Variants in STAG1 observed in about 807,000 individuals in gnomAD.
STAG1 encodes cohesin subunit SA-1.
A neutral mutation model predicts 170.9 loss-of-function variants in STAG1; 26 were observed. That is an observed-to-expected ratio of 0.15 (90% confidence interval 0.11 to 0.21). The LOEUF (loss-of-function observed/expected upper bound fraction) is 0.21. Among genes scored for constraint, STAG1 ranks in the 10% least tolerant of loss-of-function variants. The pLI is 1.00. For missense variants in STAG1, 964 were observed against 1,509.5 expected, an observed-to-expected ratio of 0.64 and a Z score of 5.99; for synonymous variants, 514 against 497.7, an observed-to-expected ratio of 1.03 and a Z score of -0.44.
chr3:136,715,648 T>G (rs1943521020), intron 1 of STAG1, among the ~76,000 whole-genome samples: 1 of 151,892 alleles, frequency 6.6e-6, no homozygotes, highest in South Asian at 2.1e-4. Context: ...AAGCAGTATA[T>G]TTATATCTAA....
At chr3:136,593,141 T>C (rs1262135761) in intron 4 of STAG1, among the ~76,000 whole-genome samples, 1 of 152,152 alleles carries the variant, frequency 6.6e-6, no homozygotes, top group Non-Finnish European at 1.5e-5. Flanking sequence ...AAAGGTATGC[T>C]CACTAAAGTT....
chr3:136,592,861 T>C (rs1215367352), intron 4 of STAG1, among the ~76,000 whole-genome samples: 2 of 152,348 alleles, frequency 1.3e-5, no homozygotes, highest in South Asian at 2.1e-4. Flanking sequence ...ATAACCACTG[T>C]AGACAGTCTT....
intron 1 of STAG1, among the ~76,000 whole-genome samples, chr3:136,685,587 T>C (rs752685157): frequency 2.6e-5 from 4 of 152,328 alleles, no homozygotes; most frequent in East Asian, 1.9e-4. Context: ...GGTAGGTGAA[T>C]AGACAGATAA....
At position 136,466,985 on chromosome 3, in the gene STAG1, C is replaced by A. The variant is rs1024766546; in HGVS notation, c.1206-1997G>T. Among the ~76,000 whole-genome samples the A allele has an allele frequency of 1.4e-4, 21 of 152,266 alleles. No individual in the cohort carries two copies. The South Asian group carries it at 4.2e-3, about 30-fold the overall frequency. On this transcript the variant is annotated intron_variant, in intron 12 of 33. Transcript: ENST00000383202. ...TTTTGTCACCACCAAGCCTGCCCTA[C>A]AAGAGCTCCTGAAGGAAGCACTAAA...
chr3:136,496,302 C>T (rs1479701230), intron 9 of STAG1, among the ~76,000 whole-genome samples: 4 of 152,150 alleles, frequency 2.6e-5, no homozygotes, highest in South Asian at 2.1e-4. Flanking sequence ...TGGTATAAGA[C>T]GCTAGCCAAC....
intron 21 of STAG1, among the ~76,000 whole-genome samples, chr3:136,413,686 G>C (rs2087693848): frequency 6.6e-6 from 1 of 152,012 alleles, no homozygotes; most frequent in African/African-American, 2.4e-5. Flanking sequence ...TCGAACTTCT[G>C]GTCTTATGTG....
At chr3:136,506,563 T>C (rs1200531431) in intron 7 of STAG1, among the ~76,000 whole-genome samples, 4 of 149,354 alleles carry the variant, frequency 2.7e-5, no homozygotes, top group Non-Finnish European at 1.5e-5. Context: ...GGAGAATGGC[T>C]TGAACCCAGG....
chr3:136,369,546 G>C (rs978066261), intron 23 of STAG1, among the ~76,000 whole-genome samples: 27 of 151,980 alleles, frequency 1.8e-4, no homozygotes, highest in Non-Finnish European at 8.8e-5. Flanking sequence ...AGCTCATTAA[G>C]ATAGTTTGAC....
In STAG1 at chr3:136,462,490, T is replaced by C. The variant is rs114541795; in HGVS notation, c.1313+2391A>G. Reference sequence around the variant, plus strand: ...TTTAATGTGGGAGCTAAAAAAAAGATTGATCTCCTGGAGGGGCAGTAGAAT... The same window carrying C: ...TTTAATGTGGGAGCTAAAAAAAAGACTGATCTCCTGGAGGGGCAGTAGAAT... On this transcript the variant is annotated intron_variant, in intron 13 of 33. Coordinates refer to ENST00000383202, the MANE Select transcript of STAG1 (RefSeq NM_005862.3). 8.7e-3 allele frequency among the ~76,000 whole-genome samples: 1,323 copies of C among 152,198 alleles called. 24 individuals are homozygous for C. Among genetic ancestry groups the C allele is most frequent in the African/African-American group, 0.029 (1,199 of 41,534 alleles).
chr3:136,678,314 T>C (rs528204136), intron 1 of STAG1, among the ~76,000 whole-genome samples: 16 of 151,664 alleles, frequency 1.1e-4, no homozygotes, highest in African/African-American at 3.4e-4. Context: ...CAATATAGTA[T>C]TGATATAGAA....
intron 1 of STAG1, among the ~76,000 whole-genome samples, chr3:136,717,652 G>A (rs1943577535): frequency 6.6e-6 from 1 of 152,086 alleles, no homozygotes; most frequent in Non-Finnish European, 1.5e-5. Flanking sequence ...CAACAAGAGT[G>A]AAACTCTGTC....
intron 5 of STAG1, 46 bp from the exon 6 acceptor site, chr3:136,542,241 G>C (rs761206205): frequency 9.2e-6 from 13 of 1,418,472 alleles, no homozygotes; most frequent in Non-Finnish European, 7.9e-6. Flanking sequence ...TAATCTTTCA[G>C]ATCAATTTCC....
At chr3:136,600,870 GTTTT>G (rs1559902120) in intron 4 of STAG1, among the ~76,000 whole-genome samples, 13 of 1,396 alleles carry the variant, frequency 9.3e-3, no homozygotes, top group East Asian at 0.033. Flanking sequence ...TTGTTTGTTT[GTTTT>G]GTTTTGTTTT....
intron 4 of STAG1, among the ~76,000 whole-genome samples, chr3:136,603,052 C>G (rs1416827643): frequency 6.6e-6 from 1 of 152,062 alleles, no homozygotes; most frequent in African/African-American, 2.4e-5. Flanking sequence ...ACACGTCAAT[C>G]TGGTAACATA....
chr3:136,457,969 C>T (rs2089165735), intron 13 of STAG1, among the ~76,000 whole-genome samples: 2 of 151,868 alleles, frequency 1.3e-5, no homozygotes, highest in Non-Finnish European at 2.9e-5. Context: ...AAAAAAACCC[C>T]AAAACAAACT....
intron 21 of STAG1, among the ~76,000 whole-genome samples, chr3:136,410,770 T>C (rs1340939732): frequency 2.0e-5 from 3 of 152,190 alleles, no homozygotes; most frequent in African/African-American, 7.2e-5. Flanking sequence ...GGTCAGGAGC[T>C]TGAGACCAGC....
intron 3 of STAG1, among the ~76,000 whole-genome samples, chr3:136,611,788 C>T (rs905020336): frequency 6.0e-5 from 9 of 151,044 alleles, no homozygotes; most frequent in Admixed American, 4.0e-4. Flanking sequence ...CAGGGGTAAG[C>T]CACTGCATCT....
intron 2 of STAG1, among the ~76,000 whole-genome samples, chr3:136,627,147 G>C (rs1408051543): frequency 6.6e-6 from 1 of 152,206 alleles, no homozygotes; most frequent in Non-Finnish European, 1.5e-5. Context: ...GCCAACTGCA[G>C]TCAGCTTAAA....
rs540529773 is a variant in STAG1 at position 136,591,610 on chromosome 3, G to T, written c.297+12699C>A. The T allele has an allele frequency of 1.5e-4, 52 of 358,154 alleles. 2 individuals carry two copies. The highest frequency in any genetic ancestry group is 1.1e-3 in the South Asian group (50 of 46,978). 22.2% of individuals were successfully genotyped at this position (358,154 alleles called of 1,614,324 possible). ...GAGAAGCAAAGCATATGTATTGGTG[G>T]TATAACAGACAAGAAATATGGCTAT... On this transcript the variant is annotated intron_variant, in intron 4 of 33. Coordinates refer to ENST00000383202, the MANE Select transcript of STAG1 (RefSeq NM_005862.3).
Sources: gnomAD v4.1 joint callset for allele counts (sites outside exome capture counted in the v4.1 genomes callset) on GRCh38, gnomAD v4.1.1 for gene constraint, MANE v1.5 for transcripts, NCBI Gene and HGNC (gene_info 2026-07-23, HGNC 2026-07-21) for gene names.